CRK: variants seen among roughly 807,000 people sequenced by gnomAD.
CRK encodes the protein adapter molecule crk.
In CRK, 4 loss-of-function variants were observed where a neutral mutation model predicts 29.8. That is an observed-to-expected ratio of 0.13 (90% CI 0.07 to 0.31). The LOEUF is 0.31. CRK is among the 10% of genes least tolerant of loss of function. The probability of loss-of-function intolerance (pLI) is 1.00; values close to 1 mark genes in which losing one functional copy is unlikely to be tolerated. For synonymous variants in CRK, 153 were observed against 164.9 expected (o/e 0.93, Z 0.55); for missense variants, 274 against 396.5 (o/e 0.69, Z 2.62).
chr17:1,454,752 G>C (rs1235345173), intron 1 of CRK, among the ~76,000 whole-genome samples: 2 of 152,148 alleles, frequency 1.3e-5, no homozygotes, highest in African/African-American at 2.4e-5. Context: ...TCCTGATGCT[G>C]TTACACAGGT....
At position 1,448,591 on chromosome 17, in the gene CRK, C is replaced by A. The variant is rs187941631; in HGVS notation, c.241+7286G>T. ...TGAGCCGAGAATATGCCATTGCACT[C>A]CAGCCTGGGTGAGAGCAAGACTCCA... On this transcript the variant is annotated intron_variant, in intron 1 of 2. Transcript: ENST00000300574. Among the ~76,000 whole-genome samples the A allele has an allele frequency of 4.3e-3, 581 of 133,934 alleles. 1 individual carries two copies. Among genetic ancestry groups the A allele is most frequent in the Non-Finnish European group, 7.0e-3 (461 of 65,504 alleles). The allele number at this position is 133,934 out of a possible 152,430, so 87.9% of individuals were successfully genotyped here.
intron 1 of CRK, among the ~76,000 whole-genome samples, chr17:1,446,767 G>GT (rs1248730097): frequency 6.6e-6 from 1 of 150,946 alleles, no homozygotes; most frequent in African/African-American, 2.4e-5. Context: ...TTTTTTTTCT[G>GT]TATTTCTAGT....
At chr17:1,429,698 G>A (rs1275284688) in intron 2 of CRK, among the ~76,000 whole-genome samples, 1 of 151,994 alleles carries the variant, frequency 6.6e-6, no homozygotes, top group Non-Finnish European at 1.5e-5. Context: ...GGCCCGAGCA[G>A]GAGGAAGATT....
intron 1 of CRK, among the ~76,000 whole-genome samples, chr17:1,442,102 T>C (rs1263017046): frequency 6.6e-6 from 1 of 151,520 alleles, no homozygotes; most frequent in South Asian, 2.1e-4. Flanking sequence ...AGAGATCCAC[T>C]TGCCTCTGCC....
intron 2 of CRK, among the ~76,000 whole-genome samples, chr17:1,429,003 G>A (rs565605158): frequency 2.0e-5 from 3 of 151,086 alleles, no homozygotes; most frequent in Admixed American, 1.3e-4. Flanking sequence ...ACGCCACCAC[G>A]TCCGGCTAAT....
chr17:1,436,310 G>A (rs2073886061), intron 2 of CRK, among the ~76,000 whole-genome samples: 1 of 152,164 alleles, frequency 6.6e-6, no homozygotes, highest in Non-Finnish European at 1.5e-5. Context: ...GCAAGAAACA[G>A]ATGAGGATGT....
chr17:1,437,746 C>G (rs375853414), intron 1 of CRK, among the ~76,000 whole-genome samples: 2 of 151,646 alleles, frequency 1.3e-5, no homozygotes, highest in Non-Finnish European at 2.9e-5. Context: ...CTCTGCCTCC[C>G]GGGTTCAAGC....
At chr17:1,454,843 C>G (rs1156809506) in intron 1 of CRK, among the ~76,000 whole-genome samples, 1 of 152,180 alleles carries the variant, frequency 6.6e-6, no homozygotes, top group Non-Finnish European at 1.5e-5. Context: ...TCCCTTAAAA[C>G]AGTCCCAAAT....
Position 1,423,280 on chromosome 17 carries a change from C to G in CRK, c.*233G>C. 1.7e-6 allele frequency: 1 copy of G among 582,320 alleles called. No individual in the cohort carries two copies. Among genetic ancestry groups the G allele is most frequent in the Non-Finnish European group, 3.0e-6 (1 of 333,994 alleles). 36.1% of individuals were successfully genotyped at this position (582,320 alleles called of 1,614,324 possible). On this transcript the variant is annotated 3_prime_UTR_variant, in exon 3 of 3. Coordinates refer to ENST00000300574, the MANE Select transcript of CRK (RefSeq NM_016823.4). ...CTTCTGATACACACAGGCACGACCACTACCGCCTCCAATTGCCAATTCAGA... is the reference window on the plus strand; with the variant it reads ...CTTCTGATACACACAGGCACGACCAGTACCGCCTCCAATTGCCAATTCAGA...
chr17:1,453,486 A>G (rs935593884), intron 1 of CRK, among the ~76,000 whole-genome samples: 4 of 152,200 alleles, frequency 2.6e-5, no homozygotes, highest in African/African-American at 9.6e-5. Context: ...TCAAAGTAGA[A>G]TATATCTGGT....
chr17:1,435,805 G>C (rs957123223), intron 2 of CRK, among the ~76,000 whole-genome samples: 9 of 152,050 alleles, frequency 5.9e-5, no homozygotes, highest in African/African-American at 2.2e-4. Flanking sequence ...TTACAAGTGT[G>C]AGCCACTGTG....
In CRK at chr17:1,444,600, G is replaced by GGGGT. The variant is rs1555654454; in HGVS notation, c.242-7446_242-7445insACCC. On this transcript the variant is annotated intron_variant, in intron 1 of 2. Transcript: ENST00000300574. Reference sequence around the variant, plus strand: ...AGCACTTTGGGAAGCCGAAGCGGGGGGGGGGATCACCTGAGATCGGGAGTT... The same window carrying GGGGT: ...AGCACTTTGGGAAGCCGAAGCGGGGGGGGTGGGGGATCACCTGAGATCGGGAGTT... Among the ~76,000 whole-genome samples the GGGGT allele has an allele frequency of 2.7e-5, 4 of 150,692 alleles. 1 individual carries two copies. Among genetic ancestry groups the GGGGT allele is most frequent in the Non-Finnish European group, 5.9e-5 (4 of 67,534 alleles).
intron 2 of CRK, among the ~76,000 whole-genome samples, chr17:1,425,196 T>C (rs2073766680): frequency 6.6e-6 from 1 of 151,504 alleles, no homozygotes; most frequent in South Asian, 2.1e-4. Flanking sequence ...TTCACGCCAT[T>C]CTCCTGCCTC....
chr17:1,442,902 T>G (rs1338914728), intron 1 of CRK, among the ~76,000 whole-genome samples: 1 of 151,402 alleles, frequency 6.6e-6, no homozygotes, highest in Non-Finnish European at 1.5e-5. Flanking sequence ...CCACTGTGCC[T>G]GGTATGTGAC....
At chr17:1,435,460 C>A (rs2073879684) in intron 2 of CRK, among the ~76,000 whole-genome samples, 2 of 107,946 alleles carry the variant, frequency 1.9e-5, no homozygotes, top group African/African-American at 4.3e-5. Flanking sequence ...TAAAAAAAAG[C>A]AGAGAGGAAA....
chr17:1,454,269 G>A (rs190373162), intron 1 of CRK, among the ~76,000 whole-genome samples: 15 of 152,182 alleles, frequency 9.9e-5, no homozygotes, highest in East Asian at 3.9e-4. Flanking sequence ...GGCCAGGCGC[G>A]GTGGCTCTTG....
intron 1 of CRK, among the ~76,000 whole-genome samples, chr17:1,442,974 C>T: frequency 8.3e-6 from 1 of 121,048 alleles, no homozygotes; most frequent in Non-Finnish European, 1.8e-5. Context: ...ACAGCAACCT[C>T]CCTTTCTTTC....
chr17:1,426,859 C>T (rs1232967298), intron 2 of CRK, among the ~76,000 whole-genome samples: 4 of 151,124 alleles, frequency 2.6e-5, no homozygotes, highest in Non-Finnish European at 4.4e-5. Context: ...TACACTGTCT[C>T]AAAAAATAAA....
At chr17:1,426,795 G>A (rs1024001056) in intron 2 of CRK, among the ~76,000 whole-genome samples, 1 of 151,996 alleles carries the variant, frequency 6.6e-6, no homozygotes, top group African/African-American at 2.4e-5. Flanking sequence ...CTGGGAAGAG[G>A]AGGTTGCAGT....
Sources: gnomAD v4.1 joint callset for allele counts (sites outside exome capture counted in the v4.1 genomes callset) on GRCh38, gnomAD v4.1.1 for gene constraint, MANE v1.5 for transcripts, NCBI Gene and HGNC (gene_info 2026-07-23, HGNC 2026-07-21) for gene names.